Variants in KPNA3 observed in about 807,000 individuals in gnomAD.
The protein encoded by KPNA3 is importin subunit alpha-4.
A neutral mutation model predicts 73.8 loss-of-function variants in KPNA3; 13 were observed. The observed-to-expected ratio is 0.18, with a 90% CI of 0.11 to 0.28. The LOEUF (loss-of-function observed/expected upper bound fraction) is 0.28, where lower values mean the gene tolerates loss of function less well. KPNA3 is among the 10% of genes least tolerant of loss of function. The pLI is 1.00. For missense variants in KPNA3, 360 were observed against 618.1 expected (o/e 0.58, Z 4.43); for synonymous variants, 186 against 206.9 (o/e 0.90, Z 0.87).
At chr13:49,722,358 G>T in intron 8 of KPNA3, 119 bp downstream of exon 8, 2 of 700,326 alleles carry the variant, frequency 2.9e-6, no homozygotes, top group South Asian at 2.2e-5. Flanking sequence ...CAGTACTTAT[G>T]AGGCAAGAAG....
At chr13:49,790,461 G>A (rs1251348843) in intron 1 of KPNA3, among the ~76,000 whole-genome samples, 1 of 152,150 alleles carries the variant, frequency 6.6e-6, no homozygotes, top group Non-Finnish European at 1.5e-5. Context: ...GCAAGACTCC[G>A]TCTCAAAAAA....
chr13:49,746,997 G>C lies in KPNA3; in HGVS notation c.70-4C>G. On this transcript the variant is annotated splice_region_variant and splice_polypyrimidine_tract_variant and intron_variant, in intron 1 of 16. Coordinates refer to ENST00000261667, the MANE Select transcript of KPNA3 (RefSeq NM_002267.4). ...CATTTCTATGTCTTCGCATTGTCTA[G>C]AAAAGAAAAACAAAGATTACAGATG... 1 of 1,604,426 alleles carries C rather than the reference G, an allele frequency of 6.2e-7. No individual in the cohort carries two copies. Among genetic ancestry groups the C allele is most frequent in the Non-Finnish European group, 8.5e-7 (1 of 1,172,398 alleles).
intron 1 of KPNA3, among the ~76,000 whole-genome samples, chr13:49,785,081 G>C (rs973336629): frequency 6.6e-6 from 1 of 152,102 alleles, no homozygotes; most frequent in Non-Finnish European, 1.5e-5. Flanking sequence ...TGGCGAGGAG[G>C]GGCAGGCGGG....
intron 2 of KPNA3, among the ~76,000 whole-genome samples, chr13:49,735,840 C>T (rs896536290): frequency 2.6e-5 from 4 of 152,082 alleles, no homozygotes; most frequent in African/African-American, 7.2e-5. Context: ...TAACTATGGG[C>T]GATTTCTTAT....
rs568593960 is a variant in KPNA3, at chr13:49,743,351, A to G, written c.114+3598T>C. Among the ~76,000 whole-genome samples the G allele has an allele frequency of 2.0e-5, 3 of 152,216 alleles. No individual in the cohort carries two copies. The South Asian group carries it at 6.2e-4, about 32-fold the overall frequency. On this transcript the variant is annotated intron_variant, in intron 2 of 16. Coordinates refer to ENST00000261667, the MANE Select transcript of KPNA3 (RefSeq NM_002267.4). ...AAAGAGTGGAAGAATCTTCTCTTGA[A>G]GAGCTCTCCACATCTCTGTAAAATC...
chr13:49,763,235 A>T (rs1954783136), intron 1 of KPNA3, among the ~76,000 whole-genome samples: 1 of 152,192 alleles, frequency 6.6e-6, no homozygotes, highest in Admixed American at 6.5e-5. Flanking sequence ...TGAGATATGA[A>T]AAAATAATTA....
intron 7 of KPNA3, among the ~76,000 whole-genome samples, chr13:49,723,893 A>G (rs905612776): frequency 3.3e-5 from 5 of 151,348 alleles, no homozygotes; most frequent in Non-Finnish European, 4.4e-5. Context: ...AAGAAAAGAA[A>G]AAAGAAAAAA....
At chr13:49,706,011 A>C in intron 14 of KPNA3, 87 bp downstream of exon 14, 1 of 1,243,048 alleles carries the variant, frequency 8.0e-7, no homozygotes, top group Non-Finnish European at 1.1e-6. Context: ...CAAAAAGAAC[A>C]CAATACAGTC....
chr13:49,702,937 C>T (rs1428802661), intron 15 of KPNA3, among the ~76,000 whole-genome samples: 1 of 151,778 alleles, frequency 6.6e-6, no homozygotes, highest in Non-Finnish European at 1.5e-5. Flanking sequence ...GGTGTGATCT[C>T]GGCTCACTGC....
intron 1 of KPNA3, among the ~76,000 whole-genome samples, chr13:49,777,118 A>C (rs1374276909): frequency 6.6e-6 from 1 of 152,170 alleles, no homozygotes; most frequent in Non-Finnish European, 1.5e-5. Flanking sequence ...TGCAATATCC[A>C]ATCCCTCTAA....
At chr13:49,706,517 C>T in intron 12 of KPNA3, 145 bp from the exon 13 acceptor site, 1 of 557,116 alleles carries the variant, frequency 1.8e-6, no homozygotes, top group Non-Finnish European at 3.1e-6. Flanking sequence ...TATACAAAAT[C>T]TTCCATTTTA....
intron 1 of KPNA3, among the ~76,000 whole-genome samples, chr13:49,752,155 A>C (rs1161843879): frequency 1.3e-5 from 2 of 152,238 alleles, no homozygotes; most frequent in Non-Finnish European, 1.5e-5. Context: ...TCTTTTGCAC[A>C]CATCAACATT....
chr13:49,789,685 T>C (rs1955017114), intron 1 of KPNA3, among the ~76,000 whole-genome samples: 1 of 152,214 alleles, frequency 6.6e-6, no homozygotes, highest in Admixed American at 6.5e-5. Flanking sequence ...AGCATGGTTA[T>C]CTACTCTTAG....
intron 1 of KPNA3, among the ~76,000 whole-genome samples, chr13:49,777,714 T>C (rs1214498391): frequency 6.6e-6 from 1 of 151,722 alleles, no homozygotes; most frequent in Non-Finnish European, 1.5e-5. Context: ...TCTCACTTTG[T>C]TGCCCAGGCT....
intron 1 of KPNA3, among the ~76,000 whole-genome samples, chr13:49,762,172 G>C: frequency 6.7e-6 from 1 of 149,154 alleles, no homozygotes; most frequent in East Asian, 2.0e-4. Flanking sequence ...GCCCCCGCCC[G>C]GCCAGCCGCC....
intron 1 of KPNA3, 56 bp from the exon 2 acceptor site, chr13:49,747,049 A>G (rs1954622846): frequency 4.5e-6 from 6 of 1,322,796 alleles, no homozygotes; most frequent in Non-Finnish European, 6.5e-6. Flanking sequence ...CTGCTAGTAT[A>G]TAAAGATCTC....
At chr13:49,756,474 T>C (rs916754708) in intron 1 of KPNA3, among the ~76,000 whole-genome samples, 1 of 152,094 alleles carries the variant, frequency 6.6e-6, no homozygotes, top group African/African-American at 2.4e-5. Context: ...GGAGGACCGC[T>C]TGTGTCCAGG....
At chr13:49,719,405 A>C (rs2137542331) in intron 10 of KPNA3, among the ~76,000 whole-genome samples, 1 of 152,196 alleles carries the variant, frequency 6.6e-6, no homozygotes, top group African/African-American at 2.4e-5. Flanking sequence ...GTTTCTTCTT[A>C]TTCTATAAAA....
At chr13:49,789,227 C>A (rs1475330637) in intron 1 of KPNA3, among the ~76,000 whole-genome samples, 1 of 152,202 alleles carries the variant, frequency 6.6e-6, no homozygotes, top group East Asian at 1.9e-4. Context: ...ACACAGGCCA[C>A]CTGGAAGTCT....
Sources: gnomAD v4.1 joint callset for allele counts (sites outside exome capture counted in the v4.1 genomes callset) on GRCh38, gnomAD v4.1.1 for gene constraint, MANE v1.5 for transcripts, NCBI Gene and HGNC (gene_info 2026-07-23, HGNC 2026-07-21) for gene names.